The following MYO5C variants were observed in gnomAD, a reference collection of about 807,000 sequenced individuals.
MYO5C encodes the protein myosin VC, also known as unconventional myosin-Vc.
MYO5C carries 194 observed loss-of-function variants against 235.7 expected under a neutral mutation model. The ratio of observed to expected loss-of-function variants is 0.82; its 90% confidence interval spans 0.73 to 0.93. The LOEUF (loss-of-function observed/expected upper bound fraction) is 0.93, where lower values mean the gene tolerates loss of function less well. Among genes scored for constraint, MYO5C ranks in the 40% least tolerant of loss-of-function variants. The probability of loss-of-function intolerance (pLI) is 0.00; values close to 1 mark genes in which losing one functional copy is unlikely to be tolerated. For missense variants in MYO5C, 2,038 were observed against 2,127.2 expected (o/e 0.96, Z 0.82); for synonymous variants, 707 against 754.8 (o/e 0.94, Z 1.04).
intron 1 of MYO5C, among the ~76,000 whole-genome samples, chr15:52,284,230 G>T (rs2037217208): frequency 6.6e-6 from 1 of 150,714 alleles, no homozygotes; most frequent in African/African-American, 2.4e-5. Context: ...AACACCTGCA[G>T]AATACCCATA....
At chr15:52,286,345 C>T (rs1353658871) in intron 1 of MYO5C, among the ~76,000 whole-genome samples, 4 of 151,092 alleles carry the variant, frequency 2.6e-5, no homozygotes, top group Non-Finnish European at 5.9e-5. Context: ...CCCGGCCAGC[C>T]GCCCCGTCCG....
At chr15:52,202,977 G>A (rs1040001870) in intron 38 of MYO5C, among the ~76,000 whole-genome samples, 1 of 149,224 alleles carries the variant, frequency 6.7e-6, no homozygotes, top group Non-Finnish European at 1.5e-5. Context: ...CTGGAGTGCT[G>A]AGGCGCGATC....
chr15:52,205,284 A>G, intron 37 of MYO5C, 137 bp from the exon 38 acceptor site: 1 of 1,012,712 alleles, frequency 9.9e-7, no homozygotes, highest in Non-Finnish European at 1.4e-6. Flanking sequence ...GAGAAAGCAA[A>G]AGAATCAAGG....
rs755446358 is a variant in MYO5C, at chr15:52,264,172, A to G, written c.1047+18T>C. The G allele has an allele frequency of 1.3e-6, 2 of 1,582,994 alleles. No individual in the cohort carries two copies. The highest frequency in any genetic ancestry group is 2.2e-5 in the South Asian group (2 of 89,852). ...TGACCCTTAGACAAAGGAAAAGTAA[A>G]ACAAATGAGCATCTCACACTAACTG... On this transcript the variant is annotated intron_variant, in intron 9 of 40. Transcript: ENST00000261839.
At chr15:52,224,493 G>A (rs1330827799) in intron 28 of MYO5C, among the ~76,000 whole-genome samples, 1 of 152,174 alleles carries the variant, frequency 6.6e-6, no homozygotes, top group Non-Finnish European at 1.5e-5. Flanking sequence ...GGGAGGTTGT[G>A]TGTGTGTGGT....
intron 38 of MYO5C, among the ~76,000 whole-genome samples, chr15:52,201,958 C>A (rs2035197892): frequency 1.4e-5 from 2 of 145,350 alleles, no homozygotes; most frequent in African/African-American, 2.5e-5. Context: ...GAAAGGGATA[C>A]TAAAAAATTT....
At chr15:52,200,569 T>A (rs768060404) in intron 38 of MYO5C, among the ~76,000 whole-genome samples, 2 of 151,576 alleles carry the variant, frequency 1.3e-5, no homozygotes, top group Non-Finnish European at 2.9e-5. Context: ...ATAATAATAA[T>A]AAAAACATAA....
chr15:52,219,699 A>G (rs923118171), intron 31 of MYO5C, 60 bp downstream of exon 31: 5 of 1,332,770 alleles, frequency 3.8e-6, no homozygotes, highest in East Asian at 2.3e-5. Context: ...GGTATATTCT[A>G]CAGTTTCAGA....
At chr15:52,285,751 G>C (rs1021588702) in intron 1 of MYO5C, among the ~76,000 whole-genome samples, 2 of 152,232 alleles carry the variant, frequency 1.3e-5, no homozygotes, top group Non-Finnish European at 2.9e-5. Context: ...GATTGCAGAC[G>C]GAGTGTCGTT....
At position 52,278,916 on chromosome 15, in the gene MYO5C, G is replaced by A. The variant is rs767371909; in HGVS notation, c.406C>T (p.His136Tyr). The A allele has an allele frequency of 1.2e-6, 2 of 1,614,118 alleles. No individual in the cohort carries two copies. The highest frequency in any genetic ancestry group is 3.3e-5 in the Admixed American group (2 of 60,014). ...GCCTCTTCTGCCACGGCAAATATGT[G>A]TGGGTCCATATCGCCCATGTTCTGC... ...SGQNMGDMDP[H>Y]IFAVAEEAYK... Residue 136 changes from histidine (H) to tyrosine (Y), a missense_variant, in exon 4 of 41, where the codon CAC (histidine) becomes TAC (tyrosine). Coordinates refer to ENST00000261839, the MANE Select transcript of MYO5C (RefSeq NM_018728.4).
rs1028043743 is a variant in MYO5C, at chr15:52,234,700, G to T, written c.2962+970C>A. 3.3e-5 allele frequency among the ~76,000 whole-genome samples: 5 copies of T among 152,160 alleles called. No individual in the cohort carries two copies. The East Asian group carries it at 9.6e-4, about 29-fold the overall frequency. ...GCAGCACCTAGAACAGGAGGGCATG[G>T]CCTGCTCCTCGTCAGCACCTGCACA... On this transcript the variant is annotated intron_variant, in intron 23 of 40. Coordinates refer to ENST00000261839, the MANE Select transcript of MYO5C (RefSeq NM_018728.4).
intron 2 of MYO5C, among the ~76,000 whole-genome samples, chr15:52,282,558 C>T (rs764527697): frequency 1.3e-5 from 2 of 152,190 alleles, no homozygotes; most frequent in Non-Finnish European, 2.9e-5. Context: ...GCCCTCATTA[C>T]AGAGAGAGGC....
chr15:52,264,591 C>T (rs2140832474), intron 8 of MYO5C, among the ~76,000 whole-genome samples: 1 of 152,304 alleles, frequency 6.6e-6, no homozygotes, highest in African/African-American at 2.4e-5. Flanking sequence ...AGTCATCTTG[C>T]CTTGATTCTG....
At chr15:52,266,710 T>C (rs2036820324) in intron 8 of MYO5C, among the ~76,000 whole-genome samples, 2 of 152,174 alleles carry the variant, frequency 1.3e-5, no homozygotes, top group Non-Finnish European at 2.9e-5. Context: ...TTAACACCAG[T>C]GCCCACCGCA....
chr15:52,199,775 A>G (rs932116734), intron 38 of MYO5C, among the ~76,000 whole-genome samples: 2 of 152,180 alleles, frequency 1.3e-5, no homozygotes, highest in African/African-American at 4.8e-5. Context: ...AAGAGAAGGG[A>G]AACTTCCCTT....
intron 5 of MYO5C, among the ~76,000 whole-genome samples, chr15:52,274,636 C>T (rs1596221524): frequency 6.6e-6 from 1 of 151,796 alleles, no homozygotes; most frequent in South Asian, 2.1e-4. Context: ...TAAGCCTATG[C>T]CTCTGAATTA....
intron 38 of MYO5C, among the ~76,000 whole-genome samples, chr15:52,202,550 C>T (rs2035212666): frequency 6.6e-6 from 1 of 152,144 alleles, no homozygotes; most frequent in South Asian, 2.1e-4. Flanking sequence ...GGGGGATCCA[C>T]TGAGGGAGTG....
chr15:52,268,228 A>G (rs940758852), intron 8 of MYO5C, among the ~76,000 whole-genome samples: 2 of 152,206 alleles, frequency 1.3e-5, no homozygotes, highest in Non-Finnish European at 2.9e-5. Context: ...AGCACTTAGT[A>G]TGAATCGGCG....
chr15:52,287,645 G>A (rs1429739871), intron 1 of MYO5C, among the ~76,000 whole-genome samples: 1 of 152,166 alleles, frequency 6.6e-6, no homozygotes, highest in Non-Finnish European at 1.5e-5. Flanking sequence ...CAAGTTGTTT[G>A]TCAAACTCCT....
Sources: allele counts gnomAD v4.1 joint callset (sites outside exome capture counted in the v4.1 genomes callset), GRCh38; gene constraint gnomAD v4.1.1; transcripts MANE v1.5; gene names NCBI Gene and HGNC (gene_info 2026-07-23, HGNC 2026-07-21).